The following ARHGAP12 variants were observed in gnomAD, a reference collection of about 807,000 sequenced individuals.
ARHGAP12 encodes rho GTPase-activating protein 12.
A neutral mutation model predicts 108.6 loss-of-function variants in ARHGAP12; 64 were observed. That is an observed-to-expected ratio of 0.59 (90% confidence interval 0.48 to 0.73). The LOEUF is 0.73. Ranked by LOEUF, ARHGAP12 falls within the 30% of genes least tolerant of loss-of-function variation. The pLI, the probability that ARHGAP12 is intolerant of heterozygous loss-of-function variation, is 0.00. For missense variants in ARHGAP12, 940 were observed against 1,005.9 expected (o/e 0.93, Z 0.89); for synonymous variants, 312 against 337.2 (o/e 0.93, Z 0.82).
intron 1 of ARHGAP12, among the ~76,000 whole-genome samples, chr10:31,920,449 CAAAAAAAAAA>C (rs71027040): frequency 1.8e-4 from 11 of 59,614 alleles, no homozygotes; most frequent in Admixed American, 4.7e-4. Context: ...GACTCCGTCT[CAAAAAAAAAA>C]AAAAAAAAAA....
At chr10:31,896,398 A>T (rs898210801) in intron 3 of ARHGAP12, among the ~76,000 whole-genome samples, 4 of 151,064 alleles carry the variant, frequency 2.6e-5, no homozygotes, top group African/African-American at 9.7e-5. Context: ...CATTTTTAAA[A>T]TAATATGATT....
intron 1 of ARHGAP12, among the ~76,000 whole-genome samples, chr10:31,924,361 T>C (rs182774431): frequency 9.9e-5 from 15 of 152,046 alleles, no homozygotes; most frequent in African/African-American, 3.6e-4. Context: ...CCTCAAAAGA[T>C]CCTTGTAAGA....
chr10:31,850,026 C>A (rs544298543), intron 6 of ARHGAP12, among the ~76,000 whole-genome samples: 1 of 152,296 alleles, frequency 6.6e-6, no homozygotes, highest in African/African-American at 2.4e-5. Context: ...CTGGGACTCT[C>A]TCCCTTCAAA....
At chr10:31,839,867 T>C (rs903815191) in intron 7 of ARHGAP12, among the ~76,000 whole-genome samples, 156 bp from the exon 8 acceptor site, 3 of 152,156 alleles carry the variant, frequency 2.0e-5, no homozygotes, top group African/African-American at 7.2e-5. Flanking sequence ...GTAATGATTT[T>C]AAAACTACAA....
At chr10:31,856,164 T>A (rs1488194824) in intron 4 of ARHGAP12, among the ~76,000 whole-genome samples, 1 of 152,148 alleles carries the variant, frequency 6.6e-6, no homozygotes, top group East Asian at 1.9e-4. Context: ...CAGTTGAAAA[T>A]GTTACATAAA....
chr10:31,896,544 T>C (rs1312849658), intron 3 of ARHGAP12, among the ~76,000 whole-genome samples: 1 of 152,098 alleles, frequency 6.6e-6, no homozygotes, highest in Non-Finnish European at 1.5e-5. Flanking sequence ...TACTTTCTAA[T>C]GATAGGGACC....
intron 18 of ARHGAP12, 114 bp from the exon 19 acceptor site, chr10:31,808,865 T>G: frequency 7.2e-7 from 1 of 1,380,814 alleles, no homozygotes; most frequent in South Asian, 1.3e-5. Context: ...GTGGTCACAT[T>G]TAAAATGTTT....
chr10:31,926,892 TA>T (rs1840070695), intron 1 of ARHGAP12, among the ~76,000 whole-genome samples: 1 of 152,242 alleles, frequency 6.6e-6, no homozygotes, highest in Admixed American at 6.5e-5. Context: ...AATGTATTGA[TA>T]ATTATATATG....
Position 31,807,723 on chromosome 10 carries a change from T to C in ARHGAP12, c.2476A>G (p.Thr826Ala). ...EKETGNIAVH[T>A]VYQNQIVELI... ...TCTACAATCTGATTCTGGTACACAG[T>C]ATGAACTGCTATATTACCAGTCTCT... Residue 826 changes from threonine to alanine, a missense_variant, in exon 20 of 20, where the codon ACT becomes GCT. Thr to Ala is a moderately conservative substitution (Grantham distance 58, BLOSUM62 0). Coordinates refer to ENST00000344936, the MANE Select transcript of ARHGAP12 (RefSeq NM_018287.7). The C allele has an allele frequency of 1.2e-6, 2 of 1,609,524 alleles. No homozygotes were observed. The highest frequency in any genetic ancestry group is 1.3e-5 in the African/African-American group (1 of 74,742).
chr10:31,812,743 T>C lies in ARHGAP12; in HGVS notation c.1915A>G (p.Thr639Ala). 6.2e-7 allele frequency: 1 copy of C among 1,608,888 alleles called. No homozygotes were observed. The highest frequency in any genetic ancestry group is 8.5e-7 in the Non-Finnish European group (1 of 1,178,622). Residue 639 changes from threonine (T) to alanine (A), a missense_variant, in exon 15 of 20, where the codon ACT becomes GCT. By Grantham distance (58) the Thr-to-Ala change is moderately conservative. Transcript: ENST00000344936. Reference protein sequence around the residue: ...NLKKFLTRRPTLQAVREKGYI... With the variant: ...NLKKFLTRRPALQAVREKGYI... Reference sequence around the variant, plus strand: ...CCTTTTTCACGAACAGCTTGCAAAGTGGGGCGTCGTGTAAGAAACTTCTTT... The same window carrying C: ...CCTTTTTCACGAACAGCTTGCAAAGCGGGGCGTCGTGTAAGAAACTTCTTT...
chr10:31,883,948 C>T (rs1028431413), intron 3 of ARHGAP12, among the ~76,000 whole-genome samples: 4 of 151,782 alleles, frequency 2.6e-5, no homozygotes, highest in African/African-American at 9.7e-5. Flanking sequence ...CTCCTGAGCT[C>T]AAGTAATCCA....
intron 5 of ARHGAP12, 115 bp downstream of exon 5, chr10:31,853,951 A>T: frequency 9.1e-7 from 1 of 1,104,958 alleles, no homozygotes; most frequent in Non-Finnish European, 1.3e-6. Context: ...TTATAAAGTT[A>T]CAATGAAGAA....
intron 3 of ARHGAP12, among the ~76,000 whole-genome samples, chr10:31,903,059 C>T (rs1270461046): frequency 6.6e-6 from 1 of 152,166 alleles, no homozygotes; most frequent in Non-Finnish European, 1.5e-5. Context: ...CTCTAGCCTG[C>T]CAGTCCACCC....
Position 31,843,457 on chromosome 10 carries a change from C to T in ARHGAP12, c.1296+4G>A. The stretch of plus-strand genomic sequence containing the variant: ...GAACTTGCCAAAAATCTCAACAGTC[C>T]TACCTTATCATTAGTGTCCAATACA... On this transcript the variant is annotated splice_donor_region_variant and intron_variant, in intron 7 of 19. Coordinates refer to ENST00000344936, the MANE Select transcript of ARHGAP12 (RefSeq NM_018287.7). The T allele has an allele frequency of 6.2e-7, 1 of 1,610,058 alleles. No homozygotes were observed. The highest frequency in any genetic ancestry group is 8.5e-7 in the Non-Finnish European group (1 of 1,178,854).
At chr10:31,853,718 C>A (rs767984991) in intron 5 of ARHGAP12, among the ~76,000 whole-genome samples, 1 of 152,028 alleles carries the variant, frequency 6.6e-6, no homozygotes, top group Non-Finnish European at 1.5e-5. Context: ...GGCAGTGAGG[C>A]GATGTATGAT....
At chr10:31,851,587 G>A (rs1443730176) in intron 6 of ARHGAP12, among the ~76,000 whole-genome samples, 1 of 152,076 alleles carries the variant, frequency 6.6e-6, no homozygotes, top group Non-Finnish European at 1.5e-5. Flanking sequence ...TACAGGATAT[G>A]TATTTCATTT....
intron 3 of ARHGAP12, among the ~76,000 whole-genome samples, chr10:31,885,833 A>G (rs1418092648): frequency 6.6e-6 from 1 of 151,476 alleles, no homozygotes; most frequent in Non-Finnish European, 1.5e-5. Flanking sequence ...AAAAAAAAAA[A>G]GTTTAATTAA....
chr10:31,894,554 C>T (rs11008685), intron 3 of ARHGAP12, among the ~76,000 whole-genome samples: 7,758 of 152,024 alleles, frequency 0.051, 648 homozygotes, highest in African/African-American at 0.17. Context: ...ATGTGAAGGA[C>T]CTCTTCAAGG....
chr10:31,901,014 GAC>G (rs1838894237), intron 3 of ARHGAP12, among the ~76,000 whole-genome samples: 1 of 151,972 alleles, frequency 6.6e-6, no homozygotes, highest in African/African-American at 2.4e-5. Flanking sequence ...TCAGGAGATT[GAC>G]ACTGGCCTTG....
Sources: allele counts gnomAD v4.1 joint callset (sites outside exome capture counted in the v4.1 genomes callset), GRCh38; gene constraint gnomAD v4.1.1; transcripts MANE v1.5; gene names NCBI Gene and HGNC (gene_info 2026-07-23, HGNC 2026-07-21).